The following PLEKHG1 variants were observed in gnomAD, a reference collection of about 807,000 sequenced individuals.
The protein encoded by PLEKHG1 is pleckstrin homology and RhoGEF domain containing G1.
Under a neutral mutation model 100.8 loss-of-function variants are expected in PLEKHG1, and 44 were observed. The observed-to-expected ratio is 0.44, with a 90% CI of 0.34 to 0.56. The LOEUF (loss-of-function observed/expected upper bound fraction) is 0.56. Ranked by LOEUF, PLEKHG1 falls within the 20% of genes least tolerant of loss-of-function variation. The pLI, the probability that PLEKHG1 is intolerant of heterozygous loss-of-function variation, is 0.01. For synonymous variants in PLEKHG1, 640 were observed against 662.5 expected (o/e 0.97, Z 0.52); for missense variants, 1,545 against 1,720.9 (o/e 0.90, Z 1.81).
Position 150,831,806 on chromosome 6 carries a change from C to T in PLEKHG1, c.2695C>T (p.Leu899Phe), listed in dbSNP as rs118013671. ...GCTGTCCCTGCCTGAGAGCCAGGCT[C>T]TCCTCACGCCCGTGAAGAGCAGGGC... The change falls in exon 15 of 16, where the codon CTC (leucine) becomes TTC (phenylalanine). Residue 899 changes from leucine (L) to phenylalanine (F), a missense_variant. By Grantham distance (22) the Leu-to-Phe change is conservative (BLOSUM62 0). Transcript: ENST00000358517. This position sits in a 1 kb window ranked among gnomAD's most constrained non-coding sequence, Gnocchi z 4.1. The T allele has an allele frequency of 8.7e-5, 140 of 1,611,984 alleles. No homozygotes were observed. In the East Asian group the frequency reaches 3.0e-3, roughly 34 times the overall value.
chr6:150,710,401 G>A (rs115754748), intron 3 of PLEKHG1, among the ~76,000 whole-genome samples: 1,638 of 152,168 alleles, frequency 0.011, 30 homozygotes, highest in African/African-American at 0.037. Flanking sequence ...TGGAAATGCC[G>A]GGCAGGGAAG....
Position 150,759,179 on chromosome 6 carries a change from A to T in PLEKHG1, c.412-9459A>T, listed in dbSNP as rs150497560. 1.4e-4 allele frequency among the ~76,000 whole-genome samples: 21 copies of T among 152,322 alleles called. No homozygotes were observed. In the East Asian group the frequency reaches 3.9e-3, roughly 28 times the overall value. On this transcript the variant is annotated intron_variant, in intron 2 of 15. Transcript: ENST00000358517. ...TGAGAAGGAAGGACGAGAACTCATG[A>T]GCCAGTCTTGAACGTGGCAGATGGT... is the stretch of plus-strand genomic sequence containing the variant.
At chr6:150,813,665 T>C (rs1167756229) in intron 10 of PLEKHG1, among the ~76,000 whole-genome samples, 1 of 152,086 alleles carries the variant, frequency 6.6e-6, no homozygotes, top group Non-Finnish European at 1.5e-5. Context: ...CAGCAGGACT[T>C]AATGTGAGAG....
chr6:150,701,465 A>ATATG (rs1780785217), intron 3 of PLEKHG1, among the ~76,000 whole-genome samples: 2 of 83,828 alleles, frequency 2.4e-5, no homozygotes, highest in African/African-American at 2.3e-4. Flanking sequence ...ATATATATAT[A>ATATG]TAATTATACT....
intron 1 of PLEKHG1, among the ~76,000 whole-genome samples, chr6:150,731,193 CCCAA>C (rs1782232715): frequency 6.6e-6 from 1 of 152,150 alleles, no homozygotes; most frequent in Non-Finnish European, 1.5e-5. Flanking sequence ...TTTTGCCGCA[CCCAA>C]GTTGGATCAG....
At position 150,831,345 on chromosome 6, in the gene PLEKHG1, T is replaced by C. The variant is rs1048083477; in HGVS notation, c.2234T>C (p.Ile745Thr). 3.1e-6 allele frequency: 5 copies of C among 1,613,940 alleles called. No homozygotes were observed. Among genetic ancestry groups the C allele is most frequent in the South Asian group, 1.1e-5 (1 of 91,076 alleles). ...GTTGAGGAGAACATCTATGACACCATAGGGCTCCCAGATCCTCCGTCGCTG... is the reference window on the plus strand; with the variant it reads ...GTTGAGGAGAACATCTATGACACCACAGGGCTCCCAGATCCTCCGTCGCTG... The change falls in exon 15 of 16, where the codon ATA (isoleucine) becomes ACA (threonine). Residue 745 changes from isoleucine (I) to threonine (T), a missense_variant. Coordinates refer to ENST00000358517, the Ensembl canonical transcript of PLEKHG1. The surrounding 1 kb of genome is among the most constrained non-coding windows in gnomAD (Gnocchi z 4.1).
exon 15 of PLEKHG1, chr6:150,832,008 T>C (rs759536656): frequency 6.2e-7 from 1 of 1,613,888 alleles, no homozygotes; most frequent in Non-Finnish European, 8.5e-7. Context: ...GACCTGGGGA[T>C]GGAGGCCACA....
intron 3 of PLEKHG1, among the ~76,000 whole-genome samples, chr6:150,781,072 A>G (rs1033144750): frequency 5.3e-5 from 8 of 151,400 alleles, no homozygotes; most frequent in Non-Finnish European, 8.9e-5. Context: ...AAGGGGTGTC[A>G]CCCTGTTGGT....
intron 3 of PLEKHG1, among the ~76,000 whole-genome samples, chr6:150,697,922 GGT>G (rs1467424102): frequency 4.2e-5 from 1 of 23,534 alleles, no homozygotes; most frequent in Non-Finnish European, 1.2e-4. Flanking sequence ...TTCTGGCAGT[GGT>G]GTTTTTTTTT....
chr6:150,774,081 T>G (rs1474736375), intron 3 of PLEKHG1, among the ~76,000 whole-genome samples: 1 of 152,236 alleles, frequency 6.6e-6, no homozygotes, highest in African/African-American at 2.4e-5. Context: ...TTTCCTGTTC[T>G]AAGAGTGGTT....
intron 4 of PLEKHG1, among the ~76,000 whole-genome samples, chr6:150,794,520 A>G (rs1786198692): frequency 2.0e-5 from 3 of 152,092 alleles, no homozygotes; most frequent in African/African-American, 7.2e-5. Context: ...ACAAAAAATT[A>G]GCTGGGTGTG....
chr6:150,653,134 A>G (rs1049895144), intron 3 of PLEKHG1, among the ~76,000 whole-genome samples: 2 of 152,192 alleles, frequency 1.3e-5, no homozygotes, highest in African/African-American at 4.8e-5. Context: ...GAGCTGACTT[A>G]TTCATTAGTC....
At chr6:150,613,760 T>G (rs1277670368) in intron 1 of PLEKHG1, among the ~76,000 whole-genome samples, 1 of 152,130 alleles carries the variant, frequency 6.6e-6, no homozygotes, top group Non-Finnish European at 1.5e-5. Context: ...TCCACTCCAT[T>G]CAGGTTACTC....
chr6:150,822,056 G>A (rs538394103), intron 13 of PLEKHG1, among the ~76,000 whole-genome samples: 33 of 148,166 alleles, frequency 2.2e-4, no homozygotes, highest in African/African-American at 7.7e-4. Flanking sequence ...GGTCAGGCTG[G>A]TCTCGAACTC....
intron 3 of PLEKHG1, among the ~76,000 whole-genome samples, chr6:150,690,931 C>A (rs919854815): frequency 2.0e-5 from 3 of 152,184 alleles, no homozygotes; most frequent in Non-Finnish European, 4.4e-5. Context: ...TGTTGCTCTT[C>A]CGCAACCCAG....
At chr6:150,676,558 C>T (rs1444128379) in intron 3 of PLEKHG1, among the ~76,000 whole-genome samples, 2 of 152,116 alleles carry the variant, frequency 1.3e-5, no homozygotes, top group African/African-American at 4.8e-5. Flanking sequence ...GTAGCTCTTC[C>T]TTCCTGGCAG....
At position 150,831,859 on chromosome 6, in the gene PLEKHG1, C is replaced by T. The variant is rs920071038; in HGVS notation, c.2748C>T (p.Pro916=). Reference sequence around the variant, plus strand: ...GCAGAGCCAGCCGCGCCAACTGCCCCTTTGAGGAAGACCTGATTTCTAAAG... The same window carrying T: ...GCAGAGCCAGCCGCGCCAACTGCCCTTTTGAGGAAGACCTGATTTCTAAAG... The change falls in exon 15 of 16, where the codon CCC becomes CCT. Residue 916 remains proline, a synonymous_variant. Transcript: ENST00000358517. The surrounding 1 kb of genome is among the most constrained non-coding windows in gnomAD (Gnocchi z 4.1). The T allele has an allele frequency of 6.2e-7, 1 of 1,613,636 alleles. No homozygotes were observed. The highest frequency in any genetic ancestry group is 8.5e-7 in the Non-Finnish European group (1 of 1,179,748).
rs757236905 is a variant in PLEKHG1, at chr6:150,831,731, G to A, written c.2620G>A (p.Ala874Thr). 8.1e-6 allele frequency: 13 copies of A among 1,613,256 alleles called. No individual in the cohort carries two copies. The highest frequency in any genetic ancestry group is 2.2e-5 in the East Asian group (1 of 44,890). Residue 874 changes from alanine to threonine, a missense_variant, in exon 15 of 16, where the codon GCA becomes ACA. Physicochemically the swap from Ala to Thr is moderately conservative, Grantham distance 58 (BLOSUM62 0). Coordinates refer to ENST00000358517, the Ensembl canonical transcript of PLEKHG1. The surrounding 1 kb of genome is among the most constrained non-coding windows in gnomAD (Gnocchi z 4.1). ...GGATGATGTGCCAGACAGGCTGCAC[G>A]CAGAGAGCACCCCTGAGCTGAGCCG...
chr6:150,631,731 GC>G (rs765125537), intron 1 of PLEKHG1, among the ~76,000 whole-genome samples: 1 of 152,194 alleles, frequency 6.6e-6, no homozygotes, highest in Non-Finnish European at 1.5e-5. Flanking sequence ...ACCTACAGAT[GC>G]TTCAGAGCAT....
Sources: allele counts gnomAD v4.1 joint callset (sites outside exome capture counted in the v4.1 genomes callset), GRCh38; gene constraint gnomAD v4.1.1; non-coding constraint Gnocchi (gnomAD v3.1); transcripts MANE v1.5; gene names NCBI Gene and HGNC (gene_info 2026-07-23, HGNC 2026-07-21).